The following PCGF5 variants were observed in gnomAD, a reference collection of about 807,000 sequenced individuals.
PCGF5 encodes polycomb group RING finger protein 5.
PCGF5 carries 9 observed loss-of-function variants against 44.3 expected under a neutral mutation model. The observed-to-expected ratio is 0.20, with a 90% CI of 0.12 to 0.35. PCGF5 has a LOEUF of 0.35. Ranked by LOEUF, PCGF5 falls within the 10% of genes least tolerant of loss-of-function variation. PCGF5 has a pLI of 1.00. For missense variants in PCGF5, 146 were observed against 305.3 expected (o/e 0.48, Z 3.89); for synonymous variants, 95 against 102.5 (o/e 0.93, Z 0.44).
At chr10:91,202,787 A>G (rs75441398) in intron 1 of PCGF5, among the ~76,000 whole-genome samples, 4,542 of 152,292 alleles carry the variant, frequency 0.03, 252 homozygotes, top group African/African-American at 0.1. Context: ...TTGGCCATTT[A>G]TGCTATATAA....
intron 1 of PCGF5, among the ~76,000 whole-genome samples, chr10:91,194,356 A>T (rs1844088934): frequency 6.6e-6 from 1 of 152,190 alleles, no homozygotes; most frequent in South Asian, 2.1e-4. Flanking sequence ...TGAGGTGACT[A>T]CGGGAGAATG....
At chr10:91,202,835 T>A (rs932890858) in intron 1 of PCGF5, among the ~76,000 whole-genome samples, 1 of 152,242 alleles carries the variant, frequency 6.6e-6, no homozygotes, top group Non-Finnish European at 1.5e-5. Context: ...CTTTTAGATG[T>A]ATTTATGTTG....
intron 1 of PCGF5, among the ~76,000 whole-genome samples, chr10:91,177,312 C>G (rs1843726402): frequency 1.3e-5 from 2 of 152,178 alleles, no homozygotes; most frequent in Non-Finnish European, 2.9e-5. Flanking sequence ...GTCACTCTGC[C>G]CCTACTGGGG....
intron 1 of PCGF5, among the ~76,000 whole-genome samples, chr10:91,208,219 T>C (rs1844381455): frequency 6.6e-6 from 1 of 152,198 alleles, no homozygotes; most frequent in South Asian, 2.1e-4. Context: ...CTTCTTTTCC[T>C]CCCATTTGTT....
chr10:91,189,851 A>T (rs1301112256), intron 1 of PCGF5, among the ~76,000 whole-genome samples: 2 of 152,244 alleles, frequency 1.3e-5, no homozygotes, highest in Non-Finnish European at 2.9e-5. Context: ...CACTGAAGTT[A>T]TGAGTATAAA....
chr10:91,243,224 CAA>C (rs1263600487), intron 3 of PCGF5, among the ~76,000 whole-genome samples: 6 of 152,224 alleles, frequency 3.9e-5, no homozygotes, highest in African/African-American at 1.2e-4. Flanking sequence ...AGATCTTTAC[CAA>C]AGTTTCCTAC....
At chr10:91,225,969 T>C (rs1844823196) in intron 2 of PCGF5, among the ~76,000 whole-genome samples, 1 of 151,976 alleles carries the variant, frequency 6.6e-6, no homozygotes, top group Non-Finnish European at 1.5e-5. Context: ...AATAACCAAA[T>C]GGAAAGGCAG....
intron 1 of PCGF5, among the ~76,000 whole-genome samples, chr10:91,198,543 C>A (rs1214362314): frequency 1.3e-5 from 2 of 152,216 alleles, no homozygotes; most frequent in Non-Finnish European, 2.9e-5. Flanking sequence ...TTCAGCATGA[C>A]CATTGGCAAA....
chr10:91,271,880 T>G (rs1232386548), intron 9 of PCGF5, among the ~76,000 whole-genome samples, 183 bp downstream of exon 9: 1 of 152,232 alleles, frequency 6.6e-6, no homozygotes, highest in Non-Finnish European at 1.5e-5. Flanking sequence ...AATTATCTAT[T>G]TAATTTTACT....
intron 1 of PCGF5, among the ~76,000 whole-genome samples, chr10:91,193,231 A>G (rs1385100898): frequency 6.6e-6 from 1 of 152,174 alleles, no homozygotes; most frequent in Non-Finnish European, 1.5e-5. Context: ...AGGAGCTTGG[A>G]AGGAGATCCA....
intron 2 of PCGF5, chr10:91,227,643 C>T: frequency 8.9e-7 from 1 of 1,126,964 alleles, no homozygotes; most frequent in Non-Finnish European, 1.1e-6. Flanking sequence ...TTAAAAACAG[C>T]TTACTGTCTT....
At chr10:91,171,944 T>C (rs74149064) in intron 1 of PCGF5, among the ~76,000 whole-genome samples, 2,716 of 152,250 alleles carry the variant, frequency 0.018, 82 homozygotes, top group African/African-American at 0.062. Context: ...CTCCTAAAGC[T>C]TTTCTGAGCA....
chr10:91,232,243 G>A (rs1437922247), intron 2 of PCGF5, among the ~76,000 whole-genome samples: 6 of 152,204 alleles, frequency 3.9e-5, no homozygotes, highest in Non-Finnish European at 7.3e-5. Context: ...GTCTTTTCAA[G>A]AGCAGTTTCA....
chr10:91,165,107 T>C (rs1843476721), intron 1 of PCGF5, among the ~76,000 whole-genome samples: 1 of 152,226 alleles, frequency 6.6e-6, no homozygotes, highest in Non-Finnish European at 1.5e-5. Flanking sequence ...TGTGGGAAAG[T>C]CACCAAGTTG....
chr10:91,213,465 A>T (rs940113913), intron 1 of PCGF5, among the ~76,000 whole-genome samples: 16 of 127,626 alleles, frequency 1.3e-4, no homozygotes, highest in African/African-American at 3.6e-4. Flanking sequence ...TTATTTCATT[A>T]AAAAAAATTT....
chr10:91,270,250 C>T (rs1413735414), intron 8 of PCGF5, among the ~76,000 whole-genome samples: 1 of 152,122 alleles, frequency 6.6e-6, no homozygotes, highest in Non-Finnish European at 1.5e-5. Flanking sequence ...TTATCTCTTC[C>T]AGCAACCTCT....
At chr10:91,245,158 C>T (rs562607439) in intron 3 of PCGF5, among the ~76,000 whole-genome samples, 2 of 152,214 alleles carry the variant, frequency 1.3e-5, no homozygotes, top group East Asian at 3.9e-4. Context: ...ACTGAGAAGG[C>T]ACAACCAGTG....
intron 3 of PCGF5, among the ~76,000 whole-genome samples, chr10:91,241,335 C>G (rs1027529128): frequency 6.6e-6 from 1 of 152,062 alleles, no homozygotes; most frequent in African/African-American, 2.4e-5. Context: ...TCCCAAAGTG[C>G]TGGGATAAAG....
At chr10:91,262,234 T>A (rs552733594) in intron 7 of PCGF5, among the ~76,000 whole-genome samples, 1 of 152,206 alleles carries the variant, frequency 6.6e-6, no homozygotes, top group South Asian at 2.1e-4. Context: ...GAGACCAACC[T>A]GGCCAACATG....
Sources: gnomAD v4.1 joint callset for allele counts (sites outside exome capture counted in the v4.1 genomes callset) on GRCh38, gnomAD v4.1.1 for gene constraint, MANE v1.5 for transcripts, NCBI Gene and HGNC (gene_info 2026-07-23, HGNC 2026-07-21) for gene names.